EPHA3: variants seen among roughly 807,000 people sequenced by gnomAD.
EPHA3 encodes the protein EPH receptor A3.
A neutral mutation model predicts 107.1 loss-of-function variants in EPHA3; 42 were observed. The ratio of observed to expected loss-of-function variants is 0.39; its 90% confidence interval spans 0.31 to 0.51. The LOEUF is 0.51. Among genes scored for constraint, EPHA3 ranks in the 20% least tolerant of loss-of-function variants. EPHA3 has a pLI of 0.78. For synonymous variants in EPHA3, 461 were observed against 424.8 expected, an observed-to-expected ratio of 1.09 and a Z score of -1.05; for missense variants, 1,183 against 1,211.2, an observed-to-expected ratio of 0.98 and a Z score of 0.35.
chr3:89,205,477 T>G (rs1218758205), intron 2 of EPHA3, among the ~76,000 whole-genome samples: 1 of 152,178 alleles, frequency 6.6e-6, no homozygotes, highest in Non-Finnish European at 1.5e-5. Context: ...ATTTTCAGAA[T>G]GGACTGTCCA....
At chr3:89,149,898 T>A (rs1704652220) in intron 2 of EPHA3, among the ~76,000 whole-genome samples, 1 of 152,008 alleles carries the variant, frequency 6.6e-6, no homozygotes, top group Non-Finnish European at 1.5e-5. Flanking sequence ...TATTCTGCTC[T>A]CATCTCAGCT....
At chr3:89,370,984 A>G (rs536374645) in intron 5 of EPHA3, among the ~76,000 whole-genome samples, 1 of 151,770 alleles carries the variant, frequency 6.6e-6, no homozygotes, top group Non-Finnish European at 1.5e-5. Context: ...GATATAAAGT[A>G]AGAAAATAAA....
At chr3:89,317,666 GC>G (rs1443472567) in intron 3 of EPHA3, among the ~76,000 whole-genome samples, 1 of 151,400 alleles carries the variant, frequency 6.6e-6, no homozygotes, top group Non-Finnish European at 1.5e-5. Flanking sequence ...CTCATTTCCT[GC>G]CCCAAATGTA....
intron 3 of EPHA3, among the ~76,000 whole-genome samples, chr3:89,230,739 T>C (rs985945944): frequency 1.3e-5 from 2 of 151,932 alleles, no homozygotes; most frequent in African/African-American, 4.8e-5. Context: ...TCAGATTTTA[T>C]AGTACATCTA....
intron 5 of EPHA3, among the ~76,000 whole-genome samples, chr3:89,357,353 C>T (rs1397973031): frequency 1.3e-5 from 2 of 150,764 alleles, no homozygotes; most frequent in African/African-American, 2.4e-5. Context: ...TAGTGGTTGA[C>T]TTTTTCTACA....
chr3:89,414,844 A>T (rs1239890564), intron 10 of EPHA3, among the ~76,000 whole-genome samples: 1 of 151,594 alleles, frequency 6.6e-6, no homozygotes, highest in African/African-American at 2.4e-5. Context: ...GGGGAGGTCT[A>T]TTTATACTGA....
At chr3:89,213,502 T>G (rs1479243124) in intron 3 of EPHA3, among the ~76,000 whole-genome samples, 1 of 152,022 alleles carries the variant, frequency 6.6e-6, no homozygotes, top group Non-Finnish European at 1.5e-5. Flanking sequence ...TAAACATATT[T>G]GATTATTAGG....
chr3:89,442,381 C>T (rs1709802019), intron 13 of EPHA3, among the ~76,000 whole-genome samples: 1 of 151,990 alleles, frequency 6.6e-6, no homozygotes, highest in East Asian at 1.9e-4. Context: ...ATTTGTAGAC[C>T]TCATGTGGAT....
At chr3:89,286,765 G>T (rs1212473072) in intron 3 of EPHA3, among the ~76,000 whole-genome samples, 1 of 152,082 alleles carries the variant, frequency 6.6e-6, no homozygotes. Context: ...CTTGGGTGAG[G>T]AAATGAAGAA....
chr3:89,346,157 G>A (rs998202008), intron 5 of EPHA3, among the ~76,000 whole-genome samples: 1 of 117,154 alleles, frequency 8.5e-6, no homozygotes, highest in African/African-American at 3.4e-5. Context: ...TGGGTCAAAT[G>A]GTATTTCTAG....
At position 89,341,086 on chromosome 3, in the gene EPHA3, T is replaced by C. The variant is rs543908017; in HGVS notation, c.970+15T>C. ...GGCTTGTACCCGTGAGTAGTTTTGC[T>C]GCAACCCATGCCTCCATGTTTGTTT... On this transcript the variant is annotated intron_variant, in intron 4 of 16. Coordinates refer to ENST00000336596, the MANE Select transcript of EPHA3 (RefSeq NM_005233.6). The C allele has an allele frequency of 5.6e-6, 9 of 1,609,710 alleles. No homozygotes were observed. In the African/African-American group the frequency reaches 1.1e-4, roughly 19 times the overall value.
At chr3:89,177,899 T>C (rs1220053030) in intron 2 of EPHA3, among the ~76,000 whole-genome samples, 1 of 152,290 alleles carries the variant, frequency 6.6e-6, no homozygotes, top group East Asian at 1.9e-4. Flanking sequence ...AATTAAATAT[T>C]GATTGATTGA....
At chr3:89,314,353 A>G (rs938881505) in intron 3 of EPHA3, among the ~76,000 whole-genome samples, 1 of 151,888 alleles carries the variant, frequency 6.6e-6, no homozygotes, top group African/African-American at 2.4e-5. Flanking sequence ...TAACTTTTTT[A>G]TATAAATTAT....
At chr3:89,460,901 G>A (rs1272903987) in intron 15 of EPHA3, among the ~76,000 whole-genome samples, 1 of 108,480 alleles carries the variant, frequency 9.2e-6, no homozygotes, top group Non-Finnish European at 2.0e-5. Flanking sequence ...ATGTATACAT[G>A]TGCCATGCTG....
rs752784858 is a variant in EPHA3 at position 89,399,309 on chromosome 3, A to C, written c.1432-9A>C. On this transcript the variant is annotated splice_polypyrimidine_tract_variant and intron_variant, in intron 6 of 16. Coordinates refer to ENST00000336596, the MANE Select transcript of EPHA3 (RefSeq NM_005233.6). The stretch of plus-strand genomic sequence containing the variant: ...ATTTTAACATGAATTTTTTTTTCTG[A>C]CCTCAAAGCAGGAACAAGAAACAAG... The C allele has an allele frequency of 1.3e-6, 2 of 1,577,946 alleles. No individual in the cohort carries two copies. Among genetic ancestry groups the C allele is most frequent in the South Asian group, 2.3e-5 (2 of 86,760 alleles).
At chr3:89,451,890 T>C (rs1389348704) in intron 15 of EPHA3, among the ~76,000 whole-genome samples, 2 of 151,726 alleles carry the variant, frequency 1.3e-5, no homozygotes, top group African/African-American at 4.8e-5. Flanking sequence ...CGTGTGTGTG[T>C]GTGTGTGTGT....
intron 3 of EPHA3, among the ~76,000 whole-genome samples, chr3:89,298,403 T>A (rs1341220126): frequency 6.6e-6 from 1 of 152,194 alleles, no homozygotes; most frequent in Non-Finnish European, 1.5e-5. Flanking sequence ...TCTGTCCTCC[T>A]GTTTCAGCCT....
chr3:89,474,276 T>TA (rs933588732), intron 16 of EPHA3, among the ~76,000 whole-genome samples: 3 of 152,194 alleles, frequency 2.0e-5, no homozygotes, highest in South Asian at 2.1e-4. Flanking sequence ...AAAATAAACT[T>TA]ACCCTAGTCA....
chr3:89,318,074 G>A (rs186215100), intron 3 of EPHA3, among the ~76,000 whole-genome samples: 23 of 151,866 alleles, frequency 1.5e-4, no homozygotes, highest in African/African-American at 5.5e-4. Flanking sequence ...TATTACATGC[G>A]TTCCAGACAT....
Sources: gnomAD v4.1 joint callset for allele counts (sites outside exome capture counted in the v4.1 genomes callset) on GRCh38, gnomAD v4.1.1 for gene constraint, MANE v1.5 for transcripts, NCBI Gene and HGNC (gene_info 2026-07-23, HGNC 2026-07-21) for gene names.